Variants in MMP2 observed in about 807,000 individuals in gnomAD.
MMP2 encodes the protein matrix metallopeptidase 2.
In MMP2, 39 loss-of-function variants were observed where a neutral mutation model predicts 74.8. The observed-to-expected ratio is 0.52, with a 90% confidence interval of 0.40 to 0.68. MMP2 has a LOEUF of 0.68. MMP2 is among the 30% of genes least tolerant of loss of function. The probability of loss-of-function intolerance (pLI) is 0.00; values close to 1 mark genes in which losing one functional copy is unlikely to be tolerated. For missense variants in MMP2, 803 were observed against 878.3 expected (o/e 0.91, Z 1.08); for synonymous variants, 367 against 339.8 (o/e 1.08, Z -0.88).
Position 55,496,973 on chromosome 16 carries a change from T to A in MMP2, c.1520T>A (p.Leu507Gln). 6.2e-7 allele frequency: 1 copy of A among 1,614,176 alleles called. No individual in the cohort carries two copies. Among genetic ancestry groups the A allele is most frequent in the Non-Finnish European group, 8.5e-7 (1 of 1,180,032 alleles). The change falls in exon 10 of 13, where the codon CTG becomes CAG. Residue 507 changes from leucine (L) to glutamine (Q), a missense_variant. Physicochemically the swap from Leu to Gln is moderately radical, Grantham distance 113 (BLOSUM62 -2). Transcript: ENST00000219070. ...VTPRDKPMGP[L>Q]LVATFWPELP... The stretch of plus-strand genomic sequence containing the variant: ...CCACGTGACAAGCCCATGGGGCCCC[T>A]GCTGGTGGCCACATTCTGGCCTGAG...
At position 55,483,114 on chromosome 16, in the gene MMP2, A is replaced by T; in HGVS notation, c.359A>T (p.Asp120Val). The change falls in exon 2 of 13, where the codon GAC becomes GTC. Residue 120 changes from aspartate (D) to valine (V), a missense_variant. Physicochemically the swap from Asp to Val is radical, Grantham distance 152. Coordinates refer to ENST00000219070, the MANE Select transcript of MMP2 (RefSeq NM_004530.6). ...YNFFPRKPKW[D>V]KNQITYRIIG... ...TTCTTCCCTCGCAAGCCCAAGTGGG[A>T]CAAGAACCAGATCACATACAGGTGC... The T allele has an allele frequency of 6.2e-7, 1 of 1,614,052 alleles. No individual in the cohort carries two copies. Among genetic ancestry groups the T allele is most frequent in the Non-Finnish European group, 8.5e-7 (1 of 1,179,946 alleles).
chr16:55,493,017 G>T, intron 8 of MMP2, 141 bp from the exon 9 acceptor site: 1 of 989,612 alleles, frequency 1.0e-6, no homozygotes, highest in Non-Finnish European at 1.5e-6. Context: ...GCATCTTCTT[G>T]TTACCTTACG....
At chr16:55,486,253 T>TACTCCAG (rs1248873641) in intron 5 of MMP2, among the ~76,000 whole-genome samples, 1 of 151,900 alleles carries the variant, frequency 6.6e-6, no homozygotes, top group East Asian at 1.9e-4. Context: ...CTCAACCTGG[T>TACTCCAG]TTGCGTACTC....
rs1189875422 is a variant in MMP2, at chr16:55,488,627, C to T, written c.917C>T (p.Thr306Ile). 1.2e-6 allele frequency: 2 copies of T among 1,613,894 alleles called. No individual in the cohort carries two copies. The highest frequency in any genetic ancestry group is 1.7e-6 in the Non-Finnish European group (2 of 1,179,936). Residue 306 changes from threonine to isoleucine, a missense_variant, in exon 6 of 13, where the codon ACC becomes ATC. Physicochemically the swap from Thr to Ile is moderately conservative, Grantham distance 89. Coordinates refer to ENST00000219070, the MANE Select transcript of MMP2 (RefSeq NM_004530.6). The stretch of plus-strand genomic sequence containing the variant: ...CAGGGCACATCCTATGACAGCTGCA[C>T]CACTGAGGGCCGCACGGATGGCTAC... ...RFQGTSYDSCTTEGRTDGYRW... is the reference protein window; with the variant it reads ...RFQGTSYDSCITEGRTDGYRW...
rs243863 is a variant in MMP2, at chr16:55,479,558, G to A, written c.79G>A (p.Ala27Thr). ...LCLLGCLLSH[A>T]AAAPSPIIKF... Reference sequence around the variant, plus strand: ...TCTCCTGGGCTGCCTGCTGAGCCACGCCGCCGCCGCGCCGTCGCCCATCAT... The same window carrying A: ...TCTCCTGGGCTGCCTGCTGAGCCACACCGCCGCCGCGCCGTCGCCCATCAT... The change falls in exon 1 of 13, where the codon GCC (alanine) becomes ACC (threonine). Residue 27 changes from alanine to threonine, a missense_variant. By Grantham distance (58) the Ala-to-Thr change is moderately conservative. Around this residue, in one of 3 missense-constraint regions of MMP2, gnomAD observed 223 missense variants for 232.8 expected, o/e 0.96. Transcript: ENST00000219070. The A allele has an allele frequency of 5.6e-6, 9 of 1,612,498 alleles. No individual in the cohort carries two copies. In the African/African-American group the frequency reaches 1.1e-4, roughly 19 times the overall value.
At chr16:55,497,098 C>T in intron 10 of MMP2, 36 bp downstream of exon 10, 1 of 1,613,466 alleles carries the variant, frequency 6.2e-7, no homozygotes, top group South Asian at 1.1e-5. Flanking sequence ...CCCTCAGCTC[C>T]ACAGGGCTCT....
At chr16:55,492,622 G>A (rs1162012965) in intron 8 of MMP2, among the ~76,000 whole-genome samples, 1 of 152,084 alleles carries the variant, frequency 6.6e-6, no homozygotes, top group Non-Finnish European at 1.5e-5. Flanking sequence ...TCAGGAAAAA[G>A]CCCAAGGTCT....
At chr16:55,503,475 T>A (rs1962720335) in intron 12 of MMP2, among the ~76,000 whole-genome samples, 2 of 152,020 alleles carry the variant, frequency 1.3e-5, no homozygotes, top group East Asian at 3.9e-4. Flanking sequence ...TGGCTTTTTT[T>A]AGAGGAGATT....
At chr16:55,492,483 C>T (rs1555492466) in intron 8 of MMP2, among the ~76,000 whole-genome samples, 1 of 151,098 alleles carries the variant, frequency 6.6e-6, no homozygotes, top group Non-Finnish European at 1.5e-5. Context: ...ATTGTTGGTT[C>T]TTACAGTGAG....
At chr16:55,502,724 G>A (rs928541898) in intron 11 of MMP2, 55 bp from the exon 12 acceptor site, 4 of 1,506,782 alleles carry the variant, frequency 2.7e-6, no homozygotes, top group Non-Finnish European at 3.7e-6. Flanking sequence ...CCAGGCCAGG[G>A]GGGAAGTGTC....
At chr16:55,489,862 T>C (rs768203148) in intron 7 of MMP2, 38 bp downstream of exon 7, 1 of 1,606,796 alleles carries the variant, frequency 6.2e-7, no homozygotes. Flanking sequence ...ACCCTGGACA[T>C]TGCCCTTGCC....
At chr16:55,494,752 A>T (rs926944013) in intron 9 of MMP2, among the ~76,000 whole-genome samples, 1 of 152,374 alleles carries the variant, frequency 6.6e-6, no homozygotes, top group Admixed American at 6.5e-5. Context: ...TGGAGAACTG[A>T]CATGGCAAGA....
In MMP2 at chr16:55,485,308, A is replaced by T. The variant is rs1057518712; in HGVS notation, c.539A>T (p.Asp180Val). Residue 180 changes from aspartate to valine, a missense_variant, in exon 4 of 13, where the codon GAT becomes GTT. This residue lies in a region of MMP2 where 25 missense variants were observed against 53.5 expected (regional missense o/e 0.47). Transcript: ENST00000219070. ...MINFGRWEHG[D>V]GYPFDGKDGL... ...CCAGTGTGTGTTTCAGAGCATGGCG[A>T]TGGATACCCCTTTGACGGTAAGGAC... is the stretch of plus-strand genomic sequence containing the variant. The T allele has an allele frequency of 1.9e-6, 3 of 1,614,104 alleles. No homozygotes were observed. The South Asian group carries it at 3.3e-5, about 18-fold the overall frequency.
At chr16:55,486,522 G>A (rs764540608) in intron 5 of MMP2, 3 of 152,096 alleles carry the variant, frequency 2.0e-5, no homozygotes, top group Non-Finnish European at 4.4e-5. Context: ...TTGTGTGCTT[G>A]TCAGTGCCTG....
intron 8 of MMP2, 21 bp downstream of exon 8, chr16:55,491,977 TG>T (rs763658477): frequency 4.7e-5 from 46 of 970,096 alleles, no homozygotes; most frequent in Non-Finnish European, 6.3e-5. Context: ...GGGCGGGGGT[TG>T]GGGGTGGAGG....
At chr16:55,500,933 T>G (rs1962653766) in intron 11 of MMP2, among the ~76,000 whole-genome samples, 1 of 152,168 alleles carries the variant, frequency 6.6e-6, no homozygotes, top group African/African-American at 2.4e-5. Flanking sequence ...GCCACAAATA[T>G]ATGTTCCACA....
chr16:55,499,715 A>G (rs1274033915), intron 11 of MMP2, among the ~76,000 whole-genome samples: 1 of 152,146 alleles, frequency 6.6e-6, no homozygotes, highest in Non-Finnish European at 1.5e-5. Context: ...AGCTATAGAG[A>G]TATGTGTATT....
chr16:55,482,175 T>TTGAA (rs1962121570), intron 1 of MMP2, among the ~76,000 whole-genome samples: 1 of 152,214 alleles, frequency 6.6e-6, no homozygotes, highest in South Asian at 2.1e-4. Flanking sequence ...AAAGTATTTG[T>TTGAA]TGAATAAATA....
rs766865855 is a variant in MMP2 at position 55,484,124 on chromosome 16, T to C, written c.489T>C (p.His163=). 4 of 1,614,094 alleles carry C rather than the reference T, an allele frequency of 2.5e-6. No individual in the cohort carries two copies. Among genetic ancestry groups the C allele is most frequent in the Non-Finnish European group, 3.4e-6 (4 of 1,180,028 alleles). The change falls in exon 3 of 13, where the codon CAT becomes CAC. Residue 163 remains histidine, a synonymous_variant. Coordinates refer to ENST00000219070, the MANE Select transcript of MMP2 (RefSeq NM_004530.6). ...DVTPLRFSRI[H]DGEADIMINF... is the part of the protein sequence containing the mutation. ...CCCCACTGCGGTTTTCTCGAATCCA[T>C]GATGGAGAGGCAGACATCATGATCA...
Sources: gnomAD v4.1 joint callset for allele counts (sites outside exome capture counted in the v4.1 genomes callset) on GRCh38, gnomAD v4.1.1 for gene constraint, gnomAD v4.1.1 regional missense constraint, MANE v1.5 for transcripts, NCBI Gene and HGNC (gene_info 2026-07-23, HGNC 2026-07-21) for gene names.